Variants in GRIN2B observed in about 807,000 individuals in gnomAD.
GRIN2B encodes the protein glutamate ionotropic receptor NMDA type subunit 2B.
In GRIN2B, 5 loss-of-function variants were observed where a neutral mutation model predicts 114.5. That is an observed-to-expected ratio of 0.04 (90% CI 0.02 to 0.09). GRIN2B has a LOEUF of 0.09. Ranked by LOEUF, GRIN2B falls within the 10% of genes least tolerant of loss-of-function variation. GRIN2B has a pLI of 1.00. For missense variants in GRIN2B, 1,108 were observed against 1,943.5 expected (o/e 0.57, Z 8.08); for synonymous variants, 787 against 745.1 (o/e 1.06, Z -0.92).
At chr12:13,670,256 GT>G (rs1326972547) in intron 5 of GRIN2B, 3 of 152,166 alleles carry the variant, frequency 2.0e-5, no homozygotes, top group Non-Finnish European at 4.4e-5. Context: ...AACTGAAAAT[GT>G]TTTTAATCTA....
chr12:13,738,486 C>T (rs1011780691), intron 4 of GRIN2B, among the ~76,000 whole-genome samples: 13 of 152,162 alleles, frequency 8.5e-5, no homozygotes, highest in Admixed American at 2.6e-4. Context: ...ATAAAATAGA[C>T]TCATGAAGTA....
intron 3 of GRIN2B, among the ~76,000 whole-genome samples, chr12:13,854,890 T>C (rs1865631941): frequency 6.6e-6 from 1 of 151,958 alleles, no homozygotes; most frequent in South Asian, 2.1e-4. Context: ...CTAGGTACTT[T>C]GAACAATCTT....
At position 13,932,982 on chromosome 12, in the gene GRIN2B, T is replaced by TGC. The variant is rs1555158840; in HGVS notation, c.-19+46945_-19+46946insGC. On this transcript the variant is annotated intron_variant, in intron 2 of 13. Coordinates refer to ENST00000609686, the MANE Select transcript of GRIN2B (RefSeq NM_000834.5). ...GTGTGTGTGTGTGTGTGTGTGTGTG[T>TGC]GTGTGCGTGTGCGTGTGTGTGTGTT... 3.0e-3 allele frequency among the ~76,000 whole-genome samples: 365 copies of TGC among 120,368 alleles called. 3 individuals are homozygous for TGC. Among genetic ancestry groups the TGC allele is most frequent in the South Asian group, 0.022 (83 of 3,850 alleles). The allele number at this position is 120,368 out of a possible 152,430, so 79.0% of individuals were successfully genotyped here. A position where few individuals can be genotyped will look rare whatever the true frequency, so the allele number is the denominator to read the frequency against.
chr12:13,699,422 G>T (rs1360182578), intron 4 of GRIN2B, among the ~76,000 whole-genome samples: 1 of 152,048 alleles, frequency 6.6e-6, no homozygotes, highest in African/African-American at 2.4e-5. Context: ...ATCTGCAAAA[G>T]AATCACAAGA....
intron 2 of GRIN2B, among the ~76,000 whole-genome samples, chr12:13,883,445 C>T (rs1420844781): frequency 1.3e-5 from 2 of 151,908 alleles, no homozygotes; most frequent in African/African-American, 4.8e-5. Flanking sequence ...TTTTTCCTTC[C>T]TTCTTACCTG....
At chr12:13,740,341 G>A (rs879540264) in intron 4 of GRIN2B, among the ~76,000 whole-genome samples, 35 of 152,214 alleles carry the variant, frequency 2.3e-4, no homozygotes, top group Non-Finnish European at 4.4e-4. Context: ...CCGTATTCCC[G>A]GCATCCGGCA....
At chr12:13,967,711 C>G (rs1591645852) in intron 2 of GRIN2B, among the ~76,000 whole-genome samples, 1 of 152,280 alleles carries the variant, frequency 6.6e-6, no homozygotes, top group Middle Eastern at 3.4e-3. Context: ...GACACGATAG[C>G]AGTCCTTTCA....
intron 10 of GRIN2B, among the ~76,000 whole-genome samples, chr12:13,581,909 CAAA>C (rs71067711): frequency 5.0e-5 from 6 of 120,276 alleles, no homozygotes; most frequent in Admixed American, 8.8e-5. Flanking sequence ...GACTTTGTCT[CAAA>C]AAAAAAAAAA....
At chr12:13,961,115 G>T (rs1404382441) in intron 2 of GRIN2B, among the ~76,000 whole-genome samples, 3 of 151,876 alleles carry the variant, frequency 2.0e-5, no homozygotes, top group African/African-American at 7.3e-5. Flanking sequence ...TTAGTAGTGT[G>T]AGTGACAGAA....
upstream of GRIN2B, among the ~76,000 whole-genome samples, chr12:13,982,116 G>GT (rs1863153361): frequency 1.3e-5 from 2 of 151,432 alleles, no homozygotes; most frequent in Non-Finnish European, 2.9e-5. Flanking sequence ...TGCTGGGGAA[G>GT]TGGGGTGGTA....
chr12:13,745,652 A>T (rs1471946237), intron 4 of GRIN2B, among the ~76,000 whole-genome samples: 1 of 152,266 alleles, frequency 6.6e-6, no homozygotes, highest in Non-Finnish European at 1.5e-5. Flanking sequence ...CTATTCATTA[A>T]GAAGACATGC....
At chr12:13,785,304 T>C (rs1864204872) in intron 3 of GRIN2B, among the ~76,000 whole-genome samples, 1 of 152,234 alleles carries the variant, frequency 6.6e-6, no homozygotes, top group African/African-American at 2.4e-5. Context: ...GTTATCTTGA[T>C]AAAACATGGG....
chr12:13,922,016 A>G (rs1866832205), intron 2 of GRIN2B, among the ~76,000 whole-genome samples: 1 of 152,168 alleles, frequency 6.6e-6, no homozygotes, highest in Non-Finnish European at 1.5e-5. Flanking sequence ...AATGAGTGTT[A>G]TTATACCTAT....
chr12:13,659,151 C>T lies in GRIN2B; in HGVS notation c.1125+16594G>A, dbSNP rs1949896152. Among the ~76,000 whole-genome samples the T allele has an allele frequency of 2.0e-5, 3 of 152,212 alleles. No individual in the cohort carries two copies. The South Asian group carries it at 6.2e-4, about 32-fold the overall frequency. On this transcript the variant is annotated intron_variant, in intron 5 of 13. Transcript: ENST00000609686. ...CACAAATTGACATTTCTACTTCCCT[C>T]CTGACTCAACAGTAACTCAGAATTA...
Position 13,558,288 on chromosome 12 carries a change from C to T in GRIN2B, c.*4495G>A, listed in dbSNP as rs1044684474. 5.3e-5 allele frequency: 8 copies of T among 152,128 alleles called. No homozygotes were observed. Among genetic ancestry groups the T allele is most frequent in the African/African-American group, 1.7e-4 (7 of 41,416 alleles). 9.4% of individuals were successfully genotyped at this position (152,128 alleles called of 1,614,324 possible). A position where few individuals can be genotyped will look rare whatever the true frequency, so the allele number is the denominator to read the frequency against. On this transcript the variant is annotated 3_prime_UTR_variant, in exon 14 of 14. Coordinates refer to ENST00000609686, the MANE Select transcript of GRIN2B (RefSeq NM_000834.5). Reference sequence around the variant, plus strand: ...ACTGCAGTGACATCATTTATGCACACATCTGAATCATTCCTAACATACAAA... The same window carrying T: ...ACTGCAGTGACATCATTTATGCACATATCTGAATCATTCCTAACATACAAA...
chr12:13,884,386 T>C (rs1866119535), intron 2 of GRIN2B, among the ~76,000 whole-genome samples: 1 of 152,176 alleles, frequency 6.6e-6, no homozygotes, highest in African/African-American at 2.4e-5. Context: ...ATCATGTTTT[T>C]GATGTTACTA....
At chr12:13,759,705 C>T (rs1349682402) in intron 3 of GRIN2B, among the ~76,000 whole-genome samples, 1 of 152,212 alleles carries the variant, frequency 6.6e-6, no homozygotes, top group Non-Finnish European at 1.5e-5. Flanking sequence ...AATGGTACCA[C>T]TGGCTCTGTC....
At chr12:13,832,431 A>G (rs2136704312) in intron 3 of GRIN2B, among the ~76,000 whole-genome samples, 1 of 152,298 alleles carries the variant, frequency 6.6e-6, no homozygotes, top group East Asian at 1.9e-4. Flanking sequence ...ACTACTACTG[A>G]ATAAAACCTC....
chr12:13,865,180 C>A (rs1454153202), intron 3 of GRIN2B, among the ~76,000 whole-genome samples: 1 of 152,118 alleles, frequency 6.6e-6, no homozygotes, highest in Non-Finnish European at 1.5e-5. Context: ...CAGAGTATGC[C>A]TTTCATATAC....
Sources: allele counts gnomAD v4.1 joint callset (sites outside exome capture counted in the v4.1 genomes callset), GRCh38; gene constraint gnomAD v4.1.1; transcripts MANE v1.5; gene names NCBI Gene and HGNC (gene_info 2026-07-23, HGNC 2026-07-21).